GAPVD1: variants seen among roughly 807,000 people sequenced by gnomAD.
The protein encoded by GAPVD1 is GTPase-activating protein and VPS9 domain-containing protein 1.
In GAPVD1, 35 loss-of-function variants were observed where a neutral mutation model predicts 155.5. That is an observed-to-expected ratio of 0.23 (90% CI 0.17 to 0.30). The LOEUF is 0.30. Ranked by LOEUF, GAPVD1 falls within the 10% of genes least tolerant of loss-of-function variation. The pLI is 1.00. For synonymous variants in GAPVD1, 636 were observed against 619.7 expected (o/e 1.03, Z -0.39); for missense variants, 1,429 against 1,775.7 (o/e 0.80, Z 3.51).
At position 125,365,302 on chromosome 9, in the gene GAPVD1, G is replaced by A. The variant is rs1851402016; in HGVS notation, c.*2556G>A. 6.8e-6 allele frequency: 1 copy of A among 148,094 alleles called. No homozygotes were observed. Among genetic ancestry groups the A allele is most frequent in the African/African-American group, 2.6e-5 (1 of 39,158 alleles). The allele number at this position is 148,094 out of a possible 1,614,324, so 9.2% of individuals were successfully genotyped here. On this transcript the variant is annotated 3_prime_UTR_variant, in exon 28 of 28. Coordinates refer to ENST00000297933, the MANE Select transcript of GAPVD1 (RefSeq NM_001282680.3). Reference sequence around the variant, plus strand: ...GTTTGATTTCTTGACAGGTATGTGAGATGGGGAGTGATTTGATTTTTTTTT... The same window carrying A: ...GTTTGATTTCTTGACAGGTATGTGAAATGGGGAGTGATTTGATTTTTTTTT...
intron 2 of GAPVD1, among the ~76,000 whole-genome samples, chr9:125,281,535 T>C (rs1331328731): frequency 6.6e-6 from 1 of 152,214 alleles, no homozygotes; most frequent in Non-Finnish European, 1.5e-5. Flanking sequence ...TTCTTCATAT[T>C]ATTAACATCT....
chr9:125,334,648 C>G (rs1381519555), intron 15 of GAPVD1, among the ~76,000 whole-genome samples: 1 of 151,998 alleles, frequency 6.6e-6, no homozygotes, highest in Admixed American at 6.6e-5. Flanking sequence ...ACCTGTGATC[C>G]CAGCACTTCG....
At chr9:125,279,488 T>C (rs1836369508) in intron 2 of GAPVD1, among the ~76,000 whole-genome samples, 1 of 150,854 alleles carries the variant, frequency 6.6e-6, no homozygotes, top group Non-Finnish European at 1.5e-5. Flanking sequence ...GGAGAATCAC[T>C]TGAACCCAGG....
At chr9:125,295,624 G>C (rs1352022544) in intron 3 of GAPVD1, 50 bp downstream of exon 3, 1 of 151,786 alleles carries the variant, frequency 6.6e-6, no homozygotes, top group Non-Finnish European at 1.5e-5. Context: ...TAGAGACGGG[G>C]TTTCACCATG....
intron 20 of GAPVD1, 41 bp from the exon 21 acceptor site, chr9:125,349,349 T>C: frequency 6.3e-7 from 1 of 1,584,854 alleles, no homozygotes; most frequent in Non-Finnish European, 8.6e-7. Flanking sequence ...ATATTCCAAA[T>C]GAACCTGGGT....
In GAPVD1 at chr9:125,367,107, T is replaced by A. The variant is rs546183537; in HGVS notation, c.*4361T>A. 3 of 152,236 alleles carry A rather than the reference T, an allele frequency of 2.0e-5. No individual in the cohort carries two copies. Among genetic ancestry groups the A allele is most frequent in the Non-Finnish European group, 4.4e-5 (3 of 68,044 alleles). The allele number at this position is 152,236 out of a possible 1,614,324, so 9.4% of individuals were successfully genotyped here. A position where few individuals can be genotyped will look rare whatever the true frequency, so the allele number is the denominator to read the frequency against. On this transcript the variant is annotated 3_prime_UTR_variant, in exon 28 of 28. Transcript: ENST00000297933. ...TCTCAATTAATGAGCTTGCACAATC[T>A]TGTATATGTACAGGAAACCCCTCCT...
chr9:125,347,489 G>A (rs1848654476), intron 20 of GAPVD1, among the ~76,000 whole-genome samples: 1 of 152,170 alleles, frequency 6.6e-6, no homozygotes, highest in Non-Finnish European at 1.5e-5. Context: ...ACTTTGGGGG[G>A]CCGAGGTGGG....
intron 3 of GAPVD1, among the ~76,000 whole-genome samples, chr9:125,297,672 A>G (rs1840092290): frequency 6.6e-6 from 1 of 152,214 alleles, no homozygotes; most frequent in African/African-American, 2.4e-5. Flanking sequence ...TAGGACCTTC[A>G]GATTTCATTC....
Position 125,301,963 on chromosome 9 carries a change from CTTTTTTT to C in GAPVD1, c.186-9_186-3del. 8 of 1,394,348 alleles carry C rather than the reference CTTTTTTT, an allele frequency of 5.7e-6. No individual in the cohort carries two copies. Among genetic ancestry groups the C allele is most frequent in the South Asian group, 4.4e-5 (3 of 68,654 alleles). The allele number at this position is 1,394,348 out of a possible 1,614,324, so 86.4% of individuals were successfully genotyped here. ...AATACTATTATTTTGCTTGTTTGCTCTTTTTTTTTTTTTTTTTAGTGCTGAAGCTTCC... is the reference window on the plus strand; with the variant it reads ...AATACTATTATTTTGCTTGTTTGCTCTTTTTTTTTTAGTGCTGAAGCTTCC... On this transcript the variant is annotated splice_polypyrimidine_tract_variant and intron_variant, in intron 4 of 27. Coordinates refer to ENST00000297933, the MANE Select transcript of GAPVD1 (RefSeq NM_001282680.3).
intron 6 of GAPVD1, among the ~76,000 whole-genome samples, chr9:125,305,684 G>A (rs997058642): frequency 6.6e-6 from 1 of 151,414 alleles, no homozygotes; most frequent in Non-Finnish European, 1.5e-5. Context: ...TTAAATTTTC[G>A]AGTCAGTGTC....
chr9:125,349,349 T>A (rs1320597035), intron 20 of GAPVD1, 41 bp from the exon 21 acceptor site: 2 of 1,584,736 alleles, frequency 1.3e-6, no homozygotes, highest in East Asian at 4.5e-5. Flanking sequence ...ATATTCCAAA[T>A]GAACCTGGGT....
chr9:125,354,169 G>A (rs1849717848), intron 23 of GAPVD1, among the ~76,000 whole-genome samples: 1 of 152,130 alleles, frequency 6.6e-6, no homozygotes, highest in South Asian at 2.1e-4. Context: ...TAGTGAGGAG[G>A]CTTCAAGGCT....
intron 15 of GAPVD1, chr9:125,335,330 A>G (rs1017582963): frequency 3.8e-6 from 2 of 528,800 alleles, no homozygotes; most frequent in East Asian, 6.5e-5. Context: ...ATAGTTATTT[A>G]TTTATTTATT....
rs1020967400 is a variant in GAPVD1, at chr9:125,362,920, C to T, written c.*174C>T. The T allele has an allele frequency of 2.1e-5, 9 of 424,744 alleles. No individual in the cohort carries two copies. The highest frequency in any genetic ancestry group is 4.4e-5 in the Admixed American group (1 of 22,610). The allele number at this position is 424,744 out of a possible 1,614,324, so 26.3% of individuals were successfully genotyped here. A position where few individuals can be genotyped will look rare whatever the true frequency, so the allele number is the denominator to read the frequency against. ...TAATGAGCTAACAAGCAGGTTCTCTCGTCTTTGGGCTCTTTCCTTTCTGAG... is the reference window on the plus strand; with the variant it reads ...TAATGAGCTAACAAGCAGGTTCTCTTGTCTTTGGGCTCTTTCCTTTCTGAG... On this transcript the variant is annotated 3_prime_UTR_variant, in exon 28 of 28. Coordinates refer to ENST00000297933, the MANE Select transcript of GAPVD1 (RefSeq NM_001282680.3).
chr9:125,296,361 T>TTTTTTTTTGTTTG (rs1839865939), intron 3 of GAPVD1, among the ~76,000 whole-genome samples: 1 of 145,376 alleles, frequency 6.9e-6, no homozygotes, highest in South Asian at 2.2e-4. Context: ...TTCTTAGGTT[T>TTTTTTTTTGTTTG]TTTTTTTTTT....
chr9:125,329,736 G>A (rs986662690), intron 12 of GAPVD1, among the ~76,000 whole-genome samples: 3 of 151,578 alleles, frequency 2.0e-5, no homozygotes, highest in African/African-American at 4.9e-5. Flanking sequence ...GCAATGGCAT[G>A]ACCTCGGCTC....
chr9:125,262,570 C>T (rs952744558), intron 1 of GAPVD1, among the ~76,000 whole-genome samples: 1 of 152,098 alleles, frequency 6.6e-6, no homozygotes, highest in Non-Finnish European at 1.5e-5. Flanking sequence ...GAAGTACACC[C>T]AGGGTTCTGT....
intron 23 of GAPVD1, among the ~76,000 whole-genome samples, chr9:125,353,112 A>G (rs905393349): frequency 6.7e-6 from 1 of 149,450 alleles, no homozygotes; most frequent in African/African-American, 2.4e-5. Context: ...TGTCTCAAGA[A>G]AAAAAAAAAA....
At chr9:125,330,851 A>G (rs77013205) in intron 13 of GAPVD1, among the ~76,000 whole-genome samples, 104 of 152,326 alleles carry the variant, frequency 6.8e-4, no homozygotes, top group African/African-American at 2.4e-3. Flanking sequence ...ACAGGATAAG[A>G]GTAGCAACAC....
Sources: gnomAD v4.1 joint callset for allele counts (sites outside exome capture counted in the v4.1 genomes callset) on GRCh38, gnomAD v4.1.1 for gene constraint, MANE v1.5 for transcripts, NCBI Gene and HGNC (gene_info 2026-07-23, HGNC 2026-07-21) for gene names.